The following ABCC5 variants were observed in gnomAD, a reference collection of about 807,000 sequenced individuals.
ABCC5 encodes ATP-binding cassette sub-family C member 5.
Under a neutral mutation model 160.9 loss-of-function variants are expected in ABCC5, and 61 were observed. The observed-to-expected ratio is 0.38, with a 90% confidence interval of 0.31 to 0.47. The LOEUF (loss-of-function observed/expected upper bound fraction) is 0.47. ABCC5 is among the 20% of genes least tolerant of loss of function. The probability of loss-of-function intolerance (pLI) is 0.99; values close to 1 mark genes in which losing one functional copy is unlikely to be tolerated. For missense variants in ABCC5, 1,308 were observed against 1,813.3 expected (o/e 0.72, Z 5.06); for synonymous variants, 666 against 700.6 (o/e 0.95, Z 0.78).
At position 183,965,390 on chromosome 3, in the gene ABCC5, A is replaced by T; in HGVS notation, c.1945T>A (p.Tyr649Asn). 6.2e-7 allele frequency: 1 copy of T among 1,614,052 alleles called. No individual in the cohort carries two copies. Residue 649 changes from tyrosine to asparagine, a missense_variant, in exon 13 of 30, where the codon TAT (tyrosine) becomes AAT (asparagine). Physicochemically the swap from Tyr to Asn is moderately radical, Grantham distance 143. This residue lies in a region of ABCC5 where 1,142 missense variants were observed against 1,527.1 expected (regional missense o/e 0.75). Coordinates refer to ENST00000334444, the MANE Select transcript of ABCC5 (RefSeq NM_005688.4). ...AACATTCCTTGCCTTTCTTCATCAT[A>T]TTCCTTCCCAAACAGGATGTTGTCT... is the stretch of plus-strand genomic sequence containing the variant. ...LRDNILFGKE[Y>N]DEERYNSVLN...
At chr3:184,006,379 A>C (rs1721211800) in intron 2 of ABCC5, 1 of 151,940 alleles carries the variant, frequency 6.6e-6, no homozygotes, top group South Asian at 2.1e-4. Flanking sequence ...ACCGAGTATC[A>C]ATCAAGAGAA....
intron 27 of ABCC5, 27 bp from the exon 28 acceptor site, chr3:183,927,470 A>G: frequency 6.3e-7 from 1 of 1,594,844 alleles, no homozygotes; most frequent in South Asian, 1.1e-5. Context: ...TAGAGATCAG[A>G]GGGGTAAGAA....
chr3:183,923,269 C>T (rs925196564), intron 29 of ABCC5, among the ~76,000 whole-genome samples: 5 of 151,862 alleles, frequency 3.3e-5, no homozygotes, highest in African/African-American at 1.2e-4. Context: ...TGAATGGGCT[C>T]CCCACTCCAA....
intron 2 of ABCC5, among the ~76,000 whole-genome samples, chr3:184,004,869 T>C (rs934727707): frequency 2.0e-5 from 3 of 152,224 alleles, no homozygotes; most frequent in Non-Finnish European, 4.4e-5. Flanking sequence ...GTAGTTTATC[T>C]CTAAAAGCCT....
In ABCC5 at chr3:183,982,696, G is replaced by T; in HGVS notation, c.826-72C>A. ...CATTTGTCTCAGGAGGAAGATAAAG[G>T]ATAAGGCAGGGCCCTAGAGGAATGA... On this transcript the variant is annotated intron_variant, in intron 6 of 29. Transcript: ENST00000334444. This position sits in a 1 kb window ranked among gnomAD's most constrained non-coding sequence, Gnocchi z 5.2. 6.2e-7 allele frequency: 1 copy of T among 1,608,052 alleles called. No homozygotes were observed. Among genetic ancestry groups the T allele is most frequent in the Non-Finnish European group, 8.5e-7 (1 of 1,175,162 alleles).
chr3:183,951,764 GC>G lies in ABCC5; in HGVS notation c.2814+92del. On this transcript the variant is annotated intron_variant, in intron 19 of 29. Coordinates refer to ENST00000334444, the MANE Select transcript of ABCC5 (RefSeq NM_005688.4). The surrounding 1 kb of genome is among the most constrained non-coding windows in gnomAD (Gnocchi z 4.7). ...AGCCAGGGCCATCCTGGTTAAGGGA[GC>G]TCCCCTACTCAGCATGAACTGAGAG... The G allele has an allele frequency of 6.5e-7, 1 of 1,529,652 alleles. No individual in the cohort carries two copies. The highest frequency in any genetic ancestry group is 2.3e-4 in the Middle Eastern group (1 of 4,330). The allele number at this position is 1,529,652 out of a possible 1,614,324, so 94.8% of individuals were successfully genotyped here.
Position 183,987,680 on chromosome 3 carries a change from C to G in ABCC5, c.591+90G>C. ...TCTAAGACTGCTACCTAGCCCAAAG[C>G]TGAGCACAACCTCTGCAACAGAATA... On this transcript the variant is annotated intron_variant, in intron 5 of 29. Transcript: ENST00000334444. The surrounding 1 kb of genome is among the most constrained non-coding windows in gnomAD (Gnocchi z 4.2). 1 of 1,577,902 alleles carries G rather than the reference C, an allele frequency of 6.3e-7. No homozygotes were observed. Among genetic ancestry groups the G allele is most frequent in the Non-Finnish European group, 8.6e-7 (1 of 1,157,598 alleles).
At chr3:184,009,317 T>C (rs1673510386) in intron 2 of ABCC5, among the ~76,000 whole-genome samples, 1 of 152,228 alleles carries the variant, frequency 6.6e-6, no homozygotes, top group Non-Finnish European at 1.5e-5. Flanking sequence ...ATAGTAGGCA[T>C]ACCTGGCATC....
intron 26 of ABCC5, among the ~76,000 whole-genome samples, chr3:183,936,429 C>T (rs183433649): frequency 6.6e-6 from 1 of 152,232 alleles, no homozygotes; most frequent in East Asian, 1.9e-4. Flanking sequence ...AGTTTTAAAA[C>T]AAGTCTGAAC....
chr3:183,960,025 T>C (rs1391502702), intron 16 of ABCC5, among the ~76,000 whole-genome samples, 190 bp from the exon 17 acceptor site: 1 of 152,228 alleles, frequency 6.6e-6, no homozygotes, highest in African/African-American at 2.4e-5. Flanking sequence ...ATTTAAAATT[T>C]AGTCCACTGA....
Position 183,981,716 on chromosome 3 carries a change from T to C in ABCC5, c.1147+11A>G, listed in dbSNP as rs768034810. 18 of 1,608,814 alleles carry C rather than the reference T, an allele frequency of 1.1e-5. No individual in the cohort carries two copies. In the South Asian group the frequency reaches 1.9e-4, roughly 17 times the overall value. ...TTCTACCACATGCACATACAAAATC[T>C]TTAAACTCACTTTGAACACTCTGAG... On this transcript the variant is annotated intron_variant, in intron 8 of 29. Coordinates refer to ENST00000334444, the MANE Select transcript of ABCC5 (RefSeq NM_005688.4).
At position 183,963,534 on chromosome 3, in the gene ABCC5, C is replaced by T; in HGVS notation, c.2086G>A (p.Ala696Thr). 1 of 1,614,218 alleles carries T rather than the reference C, an allele frequency of 6.2e-7. No individual in the cohort carries two copies. Among genetic ancestry groups the T allele is most frequent in the South Asian group, 1.1e-5 (1 of 91,076 alleles). The change falls in exon 15 of 30, where the codon GCC (alanine) becomes ACC (threonine). Residue 696 changes from alanine (A) to threonine (T), a missense_variant. This residue lies in a region of ABCC5 where 1,142 missense variants were observed against 1,527.1 expected (regional missense o/e 0.75). Coordinates refer to ENST00000334444, the MANE Select transcript of ABCC5 (RefSeq NM_005688.4). The surrounding 1 kb of genome is among the most constrained non-coding windows in gnomAD (Gnocchi z 4.6). ...CTCCTGTCACTATACAAGGCCCGGG[C>T]AAGGCTGATCCTCTGGCGCTGCCCA... ...SGGQRQRISL[A>T]RALYSDRSIY...
intron 2 of ABCC5, chr3:184,001,076 A>T (rs6443927): frequency 2.5e-6 from 1 of 402,686 alleles, no homozygotes; most frequent in African/African-American, 2.0e-5. Flanking sequence ...AACCCTCCAA[A>T]ACCCCATCAC....
At chr3:183,954,251 C>A (rs1311448672) in intron 17 of ABCC5, among the ~76,000 whole-genome samples, 1 of 152,096 alleles carries the variant, frequency 6.6e-6, no homozygotes, top group Non-Finnish European at 1.5e-5. Flanking sequence ...CGGGTTCAAG[C>A]AATTCTCCTG....
chr3:183,940,462 GAA>G (rs537025178), intron 25 of ABCC5, among the ~76,000 whole-genome samples: 17,704 of 64,102 alleles, frequency 0.28, 1,433 homozygotes, highest in East Asian at 0.5. Flanking sequence ...TCTGTCTCAG[GAA>G]AAAAAAAAAA....
In ABCC5 at chr3:183,936,111, G is replaced by A. The variant is rs538627396; in HGVS notation, c.3854+1790C>T. Among the ~76,000 whole-genome samples, 25 of 152,132 alleles carry A rather than the reference G, an allele frequency of 1.6e-4. No homozygotes were observed. The East Asian group carries it at 3.9e-3, about 23-fold the overall frequency. ...AGGTTTAGATGAGATCATGAGGGTG[G>A]GGCCTCAAGAAGAGGAGACACAAGA... On this transcript the variant is annotated intron_variant, in intron 26 of 29. Coordinates refer to ENST00000334444, the MANE Select transcript of ABCC5 (RefSeq NM_005688.4).
chr3:183,938,616 G>C (rs1016970403), intron 25 of ABCC5, among the ~76,000 whole-genome samples: 1 of 152,082 alleles, frequency 6.6e-6, no homozygotes, highest in Admixed American at 6.6e-5. Context: ...ATTTTCATGA[G>C]AGTAAAATGG....
At chr3:183,924,958 T>A (rs1189015803) in intron 29 of ABCC5, among the ~76,000 whole-genome samples, 4 of 152,088 alleles carry the variant, frequency 2.6e-5, no homozygotes, top group Non-Finnish European at 4.4e-5. Context: ...TAAAGACAGA[T>A]AAAAAGCTTG....
At position 183,921,630 on chromosome 3, in the gene ABCC5, A is replaced by C. The variant is rs1711986589; in HGVS notation, c.4213-229T>G. Among the ~76,000 whole-genome samples the C allele has an allele frequency of 6.6e-6, 1 of 152,000 alleles. No homozygotes were observed. The highest frequency in any genetic ancestry group is 1.5e-5 in the Non-Finnish European group (1 of 67,986). On this transcript the variant is annotated intron_variant, in intron 29 of 29. Coordinates refer to ENST00000334444, the MANE Select transcript of ABCC5 (RefSeq NM_005688.4). This position sits in a 1 kb window ranked among gnomAD's most constrained non-coding sequence, Gnocchi z 4.1. ...ATTTTTGTAGTATGTGGTTTTGCCT[A>C]ATAAAGTAGTATCATAGCAAAAAAA...
Sources: gnomAD v4.1 joint callset for allele counts (sites outside exome capture counted in the v4.1 genomes callset) on GRCh38, gnomAD v4.1.1 for gene constraint, gnomAD v4.1.1 regional missense constraint, Gnocchi (gnomAD v3.1) non-coding constraint, MANE v1.5 for transcripts, NCBI Gene and HGNC (gene_info 2026-07-23, HGNC 2026-07-21) for gene names.